The following PRKCH variants were observed in gnomAD, a reference collection of about 807,000 sequenced individuals.
PRKCH encodes protein kinase C eta type.
PRKCH carries 28 observed loss-of-function variants against 82.5 expected under a neutral mutation model. That is an observed-to-expected ratio of 0.34 (90% CI 0.25 to 0.47). The LOEUF (loss-of-function observed/expected upper bound fraction) is 0.47, where lower values mean the gene tolerates loss of function less well. Ranked by LOEUF, PRKCH falls within the 20% of genes least tolerant of loss-of-function variation. The pLI is 1.00. For missense variants in PRKCH, 705 were observed against 881.8 expected, an observed-to-expected ratio of 0.80 and a Z score of 2.54; for synonymous variants, 322 against 327.4, an observed-to-expected ratio of 0.98 and a Z score of 0.18.
chr14:61,272,259 G>A (rs895675306), intron 1 of PRKCH, among the ~76,000 whole-genome samples: 1 of 150,462 alleles, frequency 6.6e-6, no homozygotes. Flanking sequence ...GAAAAACCAA[G>A]GGAAATCACT....
At chr14:61,430,880 G>T (rs774951074) in intron 2 of PRKCH, among the ~76,000 whole-genome samples, 6 of 151,678 alleles carry the variant, frequency 4.0e-5, no homozygotes, top group Non-Finnish European at 7.4e-5. Flanking sequence ...TCAGCCTCCC[G>T]AGTAGCTGGG....
intron 1 of PRKCH, among the ~76,000 whole-genome samples, chr14:61,188,682 C>T (rs2044387014): frequency 9.8e-6 from 1 of 101,704 alleles, no homozygotes; most frequent in Non-Finnish European, 2.1e-5. Flanking sequence ...TCTGGGACCT[C>T]CTCACCCCCA....
chr14:61,278,706 G>A (rs1225024414), intron 1 of PRKCH: 1 of 151,968 alleles, frequency 6.6e-6, no homozygotes, highest in Non-Finnish European at 1.5e-5. Context: ...GCTATACAAG[G>A]TTTTTAAAAA....
chr14:61,242,505 C>T (rs1419316292), intron 1 of PRKCH, among the ~76,000 whole-genome samples: 1 of 152,226 alleles, frequency 6.6e-6, no homozygotes, highest in African/African-American at 2.4e-5. Context: ...TCAATCAATT[C>T]TCCTGTCCCA....
At chr14:61,235,680 T>C (rs2044781756) in intron 1 of PRKCH, among the ~76,000 whole-genome samples, 1 of 152,190 alleles carries the variant, frequency 6.6e-6, no homozygotes, top group Non-Finnish European at 1.5e-5. Context: ...TTAAATACAC[T>C]AACCCTCCTA....
chr14:61,391,474 ATAT>A (rs1194123321), intron 2 of PRKCH, among the ~76,000 whole-genome samples, 186 bp downstream of exon 2: 2 of 152,222 alleles, frequency 1.3e-5, no homozygotes, highest in African/African-American at 4.8e-5. Flanking sequence ...GCCAAATTAA[ATAT>A]ATTTGCTAAA....
intron 1 of PRKCH, among the ~76,000 whole-genome samples, chr14:61,245,325 A>G (rs1226148207): frequency 1.3e-5 from 2 of 152,204 alleles, no homozygotes; most frequent in Non-Finnish European, 2.9e-5. Context: ...CTGTGACCCC[A>G]GAATCCTCTT....
chr14:61,203,222 C>T (rs60774540), intron 1 of PRKCH, among the ~76,000 whole-genome samples: 1 of 152,012 alleles, frequency 6.6e-6, no homozygotes, highest in African/African-American at 2.4e-5. Context: ...CAGGGGAAAA[C>T]CCAGACAGGA....
At position 61,302,415 on chromosome 14, in the gene PRKCH, C is replaced by T. The variant is rs534913637; in HGVS notation, c.-19+114747C>T. Among the ~76,000 whole-genome samples, 363 of 152,268 alleles carry T rather than the reference C, an allele frequency of 2.4e-3. 3 individuals are homozygous for T. The highest frequency in any genetic ancestry group is 8.5e-3 in the African/African-American group (352 of 41,560). ...AGTGTGGGGATCCACCATCTCATCT[C>T]ATGGCTGCCCTAGACATGGCTTCTG... is the stretch of plus-strand genomic sequence containing the variant. On this transcript the variant is annotated intron_variant, in intron 1 of 3. Transcript: ENST00000555185.
intron 1 of PRKCH, among the ~76,000 whole-genome samples, chr14:61,195,231 T>C (rs1276911173): frequency 6.6e-6 from 1 of 152,226 alleles, no homozygotes; most frequent in East Asian, 1.9e-4. Context: ...CTCTACTCTG[T>C]GGTCTCTCAA....
intron 2 of PRKCH, among the ~76,000 whole-genome samples, chr14:61,411,601 T>G (rs1236983966): frequency 1.3e-5 from 2 of 151,842 alleles, no homozygotes; most frequent in Non-Finnish European, 2.9e-5. Flanking sequence ...ACCTCTGAGT[T>G]TTTTCAAACT....
chr14:61,524,226 A>T (rs748364105), intron 10 of PRKCH, among the ~76,000 whole-genome samples: 3 of 152,188 alleles, frequency 2.0e-5, no homozygotes, highest in Non-Finnish European at 4.4e-5. Context: ...AATAAATCCA[A>T]TTTCTGAATC....
In PRKCH at chr14:61,210,790, C is replaced by CTCTCTGTG. The variant is rs1351869252; in HGVS notation, c.-19+23123_-19+23124insCTCTGTGT. On this transcript the variant is annotated intron_variant, in intron 1 of 3. Coordinates refer to the PRKCH transcript ENST00000555185. ...TCTCTCTCTCTCTCTCTCTCTCTCT[C>CTCTCTGTG]TGTGTGTGTGTGTGTGTGTGTGTGC... Among the ~76,000 whole-genome samples the CTCTCTGTG allele has an allele frequency of 3.1e-3, 432 of 138,998 alleles. 1 individual carries two copies. Among genetic ancestry groups the CTCTCTGTG allele is most frequent in the Non-Finnish European group, 4.5e-3 (293 of 65,460 alleles). The allele number at this position is 138,998 out of a possible 152,430, so 91.2% of individuals were successfully genotyped here.
intron 2 of PRKCH, among the ~76,000 whole-genome samples, chr14:61,417,868 G>A (rs904254357): frequency 3.3e-5 from 5 of 152,184 alleles, no homozygotes; most frequent in African/African-American, 4.8e-5. Context: ...ATTTGTGTAT[G>A]AGGGTTTTTG....
chr14:61,311,532 G>A (rs112948753), intron 1 of PRKCH, among the ~76,000 whole-genome samples: 7,803 of 152,222 alleles, frequency 0.051, 243 homozygotes, highest in Middle Eastern at 0.085. Context: ...CTTCTGAGCC[G>A]TCCAAACTGT....
intron 1 of PRKCH, among the ~76,000 whole-genome samples, chr14:61,357,693 C>T (rs10135522): frequency 0.76 from 115,006 of 152,072 alleles, 43,829 homozygotes; most frequent in Non-Finnish European, 0.79. Context: ...TAACCCAACA[C>T]ATCCACTCTC....
chr14:61,461,781 T>G (rs986751500), intron 9 of PRKCH, among the ~76,000 whole-genome samples: 1 of 152,238 alleles, frequency 6.6e-6, no homozygotes, highest in Non-Finnish European at 1.5e-5. Flanking sequence ...ACCCAATCAA[T>G]ATAGCATATG....
chr14:61,220,171 T>C (rs943077456), intron 1 of PRKCH, among the ~76,000 whole-genome samples: 8 of 152,178 alleles, frequency 5.3e-5, no homozygotes, highest in Non-Finnish European at 8.8e-5. Context: ...TTCCAATTCC[T>C]ACCAAATGTA....
intron 2 of PRKCH, among the ~76,000 whole-genome samples, chr14:61,412,583 A>C (rs555398578): frequency 7.9e-5 from 12 of 152,142 alleles, no homozygotes; most frequent in African/African-American, 2.7e-4. Flanking sequence ...ATCTTCCTTC[A>C]TGCCTGCTGT....
Sources: allele counts gnomAD v4.1 joint callset (sites outside exome capture counted in the v4.1 genomes callset), GRCh38; gene constraint gnomAD v4.1.1; transcripts MANE v1.5; gene names NCBI Gene and HGNC (gene_info 2026-07-23, HGNC 2026-07-21).